The following COL15A1 variants were observed in gnomAD, a reference collection of about 807,000 sequenced individuals.
COL15A1 encodes the protein collagen alpha-1(XV) chain.
COL15A1 carries 111 observed loss-of-function variants against 165.9 expected under a neutral mutation model. The observed-to-expected ratio is 0.67, with a 90% CI of 0.57 to 0.78. The LOEUF (loss-of-function observed/expected upper bound fraction) is 0.78, where lower values mean the gene tolerates loss of function less well. Among genes scored for constraint, COL15A1 ranks in the 30% least tolerant of loss-of-function variants. The probability of loss-of-function intolerance (pLI) is 0.00; values close to 1 mark genes in which losing one functional copy is unlikely to be tolerated. For synonymous variants in COL15A1, 659 were observed against 674.8 expected, an observed-to-expected ratio of 0.98 and a Z score of 0.36; for missense variants, 1,745 against 1,789.7, an observed-to-expected ratio of 0.98 and a Z score of 0.45.
chr9:98,963,145 T>C (rs749250415), intron 2 of COL15A1, among the ~76,000 whole-genome samples: 3 of 152,204 alleles, frequency 2.0e-5, no homozygotes, highest in Non-Finnish European at 4.4e-5. Flanking sequence ...AATCACTCTT[T>C]GGAGGCAGCC....
At chr9:99,062,699 T>C (rs1250300953) in intron 38 of COL15A1, among the ~76,000 whole-genome samples, 1 of 152,226 alleles carries the variant, frequency 6.6e-6, no homozygotes, top group Admixed American at 6.5e-5. Flanking sequence ...AGAGCAATGC[T>C]TTGAGGTGGG....
intron 21 of COL15A1, among the ~76,000 whole-genome samples, chr9:99,037,365 T>C (rs1263791144): frequency 6.6e-6 from 1 of 152,204 alleles, no homozygotes; most frequent in Non-Finnish European, 1.5e-5. Flanking sequence ...ATAAATACTC[T>C]GGCATAAGCA....
At chr9:99,033,674 A>G (rs927456948) in intron 16 of COL15A1, among the ~76,000 whole-genome samples, 3 of 152,246 alleles carry the variant, frequency 2.0e-5, no homozygotes, top group East Asian at 1.9e-4. Flanking sequence ...TGGATTTGAT[A>G]TAAGGAGGAG....
chr9:99,055,361 C>A lies in COL15A1; in HGVS notation c.3181C>A (p.Pro1061Thr). ...TGGGCCTCCAGGCCTGCCCGGAAAT[C>A]CAGGCCCGGCTGTGAGTAGAGACCC... ...MSGPPGLPGNPGPAGQKGETV... is the reference protein window; with the variant it reads ...MSGPPGLPGNTGPAGQKGETV... Residue 1061 changes from proline (P) to threonine (T), a missense_variant, in exon 34 of 42, where the codon CCA becomes ACA. Pro to Thr is a conservative substitution (Grantham distance 38). Coordinates refer to ENST00000375001, the MANE Select transcript of COL15A1 (RefSeq NM_001855.5). 6.2e-7 allele frequency: 1 copy of A among 1,609,458 alleles called. No homozygotes were observed. The highest frequency in any genetic ancestry group is 1.1e-5 in the South Asian group (1 of 91,004).
chr9:99,034,045 A>C (rs1024633596), intron 16 of COL15A1, among the ~76,000 whole-genome samples: 1 of 152,180 alleles, frequency 6.6e-6, no homozygotes, highest in South Asian at 2.1e-4. Context: ...CTCCTCCCCA[A>C]TTCTGTCTTC....
chr9:99,022,187 G>GT, intron 13 of COL15A1, 37 bp downstream of exon 13: 1 of 1,613,542 alleles, frequency 6.2e-7, no homozygotes, highest in South Asian at 1.1e-5. Context: ...ACACACAGGT[G>GT]TAAGACCAGG....
At chr9:99,008,846 A>G (rs1331640902) in intron 9 of COL15A1, among the ~76,000 whole-genome samples, 9 of 152,052 alleles carry the variant, frequency 5.9e-5, no homozygotes, top group Admixed American at 5.9e-4. Context: ...CTGACCTCAG[A>G]TGATCCACCT....
intron 6 of COL15A1, among the ~76,000 whole-genome samples, chr9:98,999,680 G>A (rs1397971032): frequency 6.6e-6 from 1 of 151,434 alleles, no homozygotes. Flanking sequence ...CACAATGCCT[G>A]GCTATTTTTT....
At chr9:98,970,479 G>A (rs891597940) in intron 2 of COL15A1, among the ~76,000 whole-genome samples, 5 of 152,256 alleles carry the variant, frequency 3.3e-5, no homozygotes, top group African/African-American at 1.2e-4. Flanking sequence ...CCTTAAGGGG[G>A]TAGCAGGAGA....
chr9:99,029,542 A>G (rs1564068662), intron 16 of COL15A1, among the ~76,000 whole-genome samples: 1 of 152,254 alleles, frequency 6.6e-6, no homozygotes, highest in Non-Finnish European at 1.5e-5. Flanking sequence ...TAAATGAAAC[A>G]CTGAAATAGT....
intron 2 of COL15A1, among the ~76,000 whole-genome samples, chr9:98,973,871 G>A (rs898017200): frequency 5.3e-5 from 8 of 152,232 alleles, no homozygotes; most frequent in Non-Finnish European, 1.0e-4. Context: ...GGAGGCAGAC[G>A]ATGAGGCTGT....
chr9:99,041,504 A>AT (rs1374560826), intron 23 of COL15A1: 1 of 135,280 alleles, frequency 7.4e-6, no homozygotes, highest in Non-Finnish European at 1.6e-5. Flanking sequence ...GGGCATTCCT[A>AT]TGGGGGGGGT....
At chr9:99,009,528 G>A (rs1775088181) in intron 9 of COL15A1, among the ~76,000 whole-genome samples, 1 of 152,028 alleles carries the variant, frequency 6.6e-6, no homozygotes, top group South Asian at 2.1e-4. Context: ...AAGCTTTCTT[G>A]GTTCTGAAAA....
chr9:98,983,009 C>T lies in COL15A1; in HGVS notation c.101-2556C>T, dbSNP rs927400889. Reference sequence around the variant, plus strand: ...TTATGTCCTTTAATCCTCACAACAACGCTATAGGCTAATTACTCGCTTTTT... The same window carrying T: ...TTATGTCCTTTAATCCTCACAACAATGCTATAGGCTAATTACTCGCTTTTT... On this transcript the variant is annotated intron_variant, in intron 2 of 41. Coordinates refer to ENST00000375001, the MANE Select transcript of COL15A1 (RefSeq NM_001855.5). Among the ~76,000 whole-genome samples, 7 of 152,070 alleles carry T rather than the reference C, an allele frequency of 4.6e-5. No individual in the cohort carries two copies. In the South Asian group the frequency reaches 6.2e-4, roughly 13 times the overall value.
intron 10 of COL15A1, among the ~76,000 whole-genome samples, 159 bp downstream of exon 10, chr9:99,015,725 A>C (rs569036998): frequency 2.0e-5 from 3 of 152,320 alleles, no homozygotes; most frequent in Non-Finnish European, 1.5e-5. Context: ...ACAATGCTGG[A>C]GTGTAGCAGA....
intron 9 of COL15A1, among the ~76,000 whole-genome samples, chr9:99,009,127 T>C (rs1202237372): frequency 6.6e-6 from 1 of 152,202 alleles, no homozygotes; most frequent in Non-Finnish European, 1.5e-5. Flanking sequence ...AACATTACAA[T>C]CTTCAAAACT....
At chr9:98,970,546 ACACCCCAGCTT>A (rs2118835614) in intron 2 of COL15A1, among the ~76,000 whole-genome samples, 1 of 152,298 alleles carries the variant, frequency 6.6e-6, no homozygotes, top group Non-Finnish European at 1.5e-5. Flanking sequence ...TGCCCCTACA[ACACCCCAGCTT>A]CCACAGCTGT....
At chr9:98,946,654 G>A (rs1837588764) in intron 2 of COL15A1, among the ~76,000 whole-genome samples, 1 of 152,130 alleles carries the variant, frequency 6.6e-6, no homozygotes, top group Admixed American at 6.5e-5. Context: ...TCCTTCCATA[G>A]GACCACTGCC....
chr9:99,026,034 T>C, intron 16 of COL15A1, 68 bp downstream of exon 16: 10 of 1,448,708 alleles, frequency 6.9e-6, no homozygotes, highest in South Asian at 2.7e-5. Context: ...CTCTGACCCC[T>C]AAACCTGACC....
Sources: allele counts gnomAD v4.1 joint callset (sites outside exome capture counted in the v4.1 genomes callset), GRCh38; gene constraint gnomAD v4.1.1; transcripts MANE v1.5; gene names NCBI Gene and HGNC (gene_info 2026-07-23, HGNC 2026-07-21).